The following RASSF6 variants were observed in gnomAD, a reference collection of about 807,000 sequenced individuals.
RASSF6 encodes the protein ras association domain-containing protein 6.
RASSF6 carries 52 observed loss-of-function variants against 44.0 expected under a neutral mutation model. The ratio of observed to expected loss-of-function variants is 1.18; its 90% confidence interval spans 0.95 to 1.49. RASSF6 has a LOEUF of 1.49. RASSF6 is among the 40% of genes most tolerant of loss of function. The pLI, the probability that RASSF6 is intolerant of heterozygous loss-of-function variation, is 0.00. For synonymous variants in RASSF6, 162 were observed against 124.6 expected (o/e 1.30, Z -2.00); for missense variants, 464 against 393.3 (o/e 1.18, Z -1.52).
In RASSF6 at chr4:73,581,856, G is replaced by A. The variant is rs1209600206; in HGVS notation, c.682C>T (p.Pro228Ser). 6.2e-7 allele frequency: 1 copy of A among 1,609,438 alleles called. No individual in the cohort carries two copies. Among genetic ancestry groups the A allele is most frequent in the Non-Finnish European group, 8.5e-7 (1 of 1,176,520 alleles). ...LLQKFKIENS[P>S]QDFALHIIFA... Reference sequence around the variant, plus strand: ...ATAATGTGAAGAGCAAAATCCTGGGGACTATTTTCAATCTGTCAAGGGAAA... The same window carrying A: ...ATAATGTGAAGAGCAAAATCCTGGGAACTATTTTCAATCTGTCAAGGGAAA... The change falls in exon 8 of 11, where the codon CCC becomes TCC. Residue 228 changes from proline (P) to serine (S), a missense_variant. By Grantham distance (74) the Pro-to-Ser change is moderately conservative. Transcript: ENST00000307439.
At chr4:73,607,586 C>A (rs1168178021) in intron 2 of RASSF6, among the ~76,000 whole-genome samples, 1 of 152,140 alleles carries the variant, frequency 6.6e-6, no homozygotes, top group Non-Finnish European at 1.5e-5. Flanking sequence ...TGTTTCAGGC[C>A]TTTAGATCTA....
intron 3 of RASSF6, among the ~76,000 whole-genome samples, chr4:73,596,310 G>T (rs190846382): frequency 6.6e-6 from 1 of 152,328 alleles, no homozygotes; most frequent in East Asian, 1.9e-4. Context: ...CAAAATCGAT[G>T]TGCAAAAGTT....
At chr4:73,581,704 C>T (rs1383870380) in intron 8 of RASSF6, 113 bp downstream of exon 8, 1 of 638,840 alleles carries the variant, frequency 1.6e-6, no homozygotes, top group East Asian at 2.7e-5. Context: ...TTTTCTCCTA[C>T]CCATTCCTCC....
intron 5 of RASSF6, among the ~76,000 whole-genome samples, chr4:73,587,639 G>A (rs1724199131): frequency 6.6e-6 from 1 of 151,718 alleles, no homozygotes; most frequent in African/African-American, 2.4e-5. Context: ...ATATACCAAA[G>A]TAAGGTTCTT....
intron 8 of RASSF6, among the ~76,000 whole-genome samples, chr4:73,578,089 A>G (rs1723359651): frequency 6.6e-6 from 1 of 151,408 alleles, no homozygotes; most frequent in Non-Finnish European, 1.5e-5. Flanking sequence ...CAAAATATAA[A>G]AGAAAATGGG....
At chr4:73,595,346 A>C (rs1012265921) in intron 3 of RASSF6, among the ~76,000 whole-genome samples, 5 of 152,082 alleles carry the variant, frequency 3.3e-5, no homozygotes, top group Non-Finnish European at 5.9e-5. Context: ...GGCATGCACC[A>C]CCATGCCTGG....
chr4:73,600,529 T>C (rs1725212154), intron 2 of RASSF6, among the ~76,000 whole-genome samples: 1 of 152,198 alleles, frequency 6.6e-6, no homozygotes, highest in South Asian at 2.1e-4. Flanking sequence ...CACTCCTGTG[T>C]TCCTGGTTCT....
intron 1 of RASSF6, among the ~76,000 whole-genome samples, chr4:73,616,278 T>C (rs962991849): frequency 4.6e-5 from 7 of 151,888 alleles, no homozygotes; most frequent in African/African-American, 1.4e-4. Flanking sequence ...TACATATATA[T>C]ACAGGTGCTA....
Position 73,581,917 on chromosome 4 carries a change from T to C in RASSF6, c.670-49A>G, listed in dbSNP as rs200030912. The C allele has an allele frequency of 6.1e-5, 91 of 1,483,300 alleles. No homozygotes were observed. The East Asian group carries it at 1.6e-3, about 27-fold the overall frequency. 91.9% of individuals were successfully genotyped at this position (1,483,300 alleles called of 1,614,324 possible). Reference sequence around the variant, plus strand: ...ATATAAATTCTTTGTTGTTATATGATGTTTTCTAACCTGACCAGACCCAAA... The same window carrying C: ...ATATAAATTCTTTGTTGTTATATGACGTTTTCTAACCTGACCAGACCCAAA... On this transcript the variant is annotated intron_variant, in intron 7 of 10. Transcript: ENST00000307439.
chr4:73,614,449 C>A (rs1029675573), intron 1 of RASSF6, among the ~76,000 whole-genome samples: 1 of 152,202 alleles, frequency 6.6e-6, no homozygotes, highest in African/African-American at 2.4e-5. Flanking sequence ...TGCCTGGACC[C>A]TTCCACCATG....
At chr4:73,592,556 A>C (rs1407860525) in intron 4 of RASSF6, among the ~76,000 whole-genome samples, 2 of 152,176 alleles carry the variant, frequency 1.3e-5, no homozygotes, top group Non-Finnish European at 2.9e-5. Context: ...TGAAACTTGT[A>C]AAGGGGTAAG....
In RASSF6 at chr4:73,576,107, G is replaced by T; in HGVS notation, c.*128C>A. The T allele has an allele frequency of 1.8e-6, 1 of 546,512 alleles. No individual in the cohort carries two copies. The allele number at this position is 546,512 out of a possible 1,614,324, so 33.9% of individuals were successfully genotyped here. On this transcript the variant is annotated 3_prime_UTR_variant, in exon 11 of 11. Transcript: ENST00000307439. ...CTTCAAAAAGAAATGAGCTTTTTTT[G>T]ACATTCAATTTTCTACGATTCAAGT... is the stretch of plus-strand genomic sequence containing the variant.
chr4:73,589,043 T>A (rs1265132615), intron 4 of RASSF6, among the ~76,000 whole-genome samples: 1 of 152,148 alleles, frequency 6.6e-6, no homozygotes, highest in East Asian at 1.9e-4. Flanking sequence ...CTAATGGTAG[T>A]GAATATGAAG....
chr4:73,573,117 A>AT lies in RASSF6; in HGVS notation c.*3117dup, dbSNP rs1292668921. ...TGGCTACATAACAATATACAAATAA[A>AT]TGTTTATTTCCCTCTTTTTTTTTTT... On this transcript the variant is annotated 3_prime_UTR_variant, in exon 11 of 11. Coordinates refer to ENST00000307439, the MANE Select transcript of RASSF6 (RefSeq NM_177532.5). 6.6e-6 allele frequency: 1 copy of AT among 151,980 alleles called. No homozygotes were observed. The highest frequency in any genetic ancestry group is 1.9e-4 in the East Asian group (1 of 5,190). The allele number at this position is 151,980 out of a possible 1,614,324, so 9.4% of individuals were successfully genotyped here. A position where few individuals can be genotyped will look rare whatever the true frequency, so the allele number is the denominator to read the frequency against.
rs1349721927 is a variant in RASSF6 at position 73,576,318 on chromosome 4, TGAG to T, written c.939-11_939-9del. The T allele has an allele frequency of 4.6e-6, 7 of 1,528,200 alleles. No individual in the cohort carries two copies. The highest frequency in any genetic ancestry group is 6.3e-6 in the Non-Finnish European group (7 of 1,110,390). 94.7% of individuals were successfully genotyped at this position (1,528,200 alleles called of 1,614,324 possible). A position where few individuals can be genotyped will look rare whatever the true frequency, so the allele number is the denominator to read the frequency against. On this transcript the variant is annotated splice_polypyrimidine_tract_variant and intron_variant, in intron 10 of 10. Transcript: ENST00000307439. ...GCCTTTTCTTTATTGAATCTGAAAA[TGAG>T]AAGAAGAAAGACTATTAAAAATTGG...
intron 1 of RASSF6, among the ~76,000 whole-genome samples, chr4:73,619,624 G>T (rs971584404): frequency 4.6e-5 from 7 of 152,098 alleles, no homozygotes; most frequent in African/African-American, 1.7e-4. Flanking sequence ...AAACGTTTGG[G>T]GCTTAGGTTA....
chr4:73,588,256 A>G (rs189998153), intron 4 of RASSF6, among the ~76,000 whole-genome samples: 65 of 152,226 alleles, frequency 4.3e-4, no homozygotes, highest in African/African-American at 1.5e-3. Context: ...ATCAATTGTT[A>G]TAAAGATATT....
At chr4:73,589,130 C>A (rs563273612) in intron 4 of RASSF6, among the ~76,000 whole-genome samples, 3 of 152,100 alleles carry the variant, frequency 2.0e-5, no homozygotes, top group Non-Finnish European at 4.4e-5. Flanking sequence ...TTGAGTCTCA[C>A]AATAGCCTTA....
At chr4:73,612,548 A>C (rs1032604784) in intron 1 of RASSF6, among the ~76,000 whole-genome samples, 1 of 150,346 alleles carries the variant, frequency 6.7e-6, no homozygotes, top group Non-Finnish European at 1.5e-5. Context: ...TTCCTTTCAA[A>C]TCTGGTTATT....
Sources: gnomAD v4.1 joint callset for allele counts (sites outside exome capture counted in the v4.1 genomes callset) on GRCh38, gnomAD v4.1.1 for gene constraint, MANE v1.5 for transcripts, NCBI Gene and HGNC (gene_info 2026-07-23, HGNC 2026-07-21) for gene names.